KIFC3: variants seen among roughly 807,000 people sequenced by gnomAD.
KIFC3 encodes kinesin family member C3.
Under a neutral mutation model 101.8 loss-of-function variants are expected in KIFC3, and 60 were observed. The ratio of observed to expected loss-of-function variants is 0.59; its 90% CI spans 0.48 to 0.73. KIFC3 has a LOEUF of 0.73. Ranked by LOEUF, KIFC3 falls within the 30% of genes least tolerant of loss-of-function variation. The pLI, the probability that KIFC3 is intolerant of heterozygous loss-of-function variation, is 0.00. For synonymous variants in KIFC3, 476 were observed against 482.7 expected, an observed-to-expected ratio of 0.99 and a Z score of 0.18; for missense variants, 966 against 1,137.1, an observed-to-expected ratio of 0.85 and a Z score of 2.16.
chr16:57,829,889 A>T (rs1351549356), intron 1 of KIFC3, among the ~76,000 whole-genome samples: 1 of 152,182 alleles, frequency 6.6e-6, no homozygotes, highest in African/African-American at 2.4e-5. Flanking sequence ...CCAAGAAGCC[A>T]TTGGAGCAGA....
intron 3 of KIFC3, among the ~76,000 whole-genome samples, chr16:57,793,841 C>A (rs139251424): frequency 1.6e-3 from 239 of 152,202 alleles, no homozygotes; most frequent in African/African-American, 5.2e-3. Context: ...AAATAAAAAT[C>A]ATATAAATTT....
In KIFC3 at chr16:57,760,323, T is replaced by A. The variant is rs532276292; in HGVS notation, c.2326A>T (p.Arg776Trp). 6.2e-7 allele frequency: 1 copy of A among 1,613,894 alleles called. No homozygotes were observed. Among genetic ancestry groups the A allele is most frequent in the South Asian group, 1.1e-5 (1 of 91,084 alleles). Residue 776 changes from arginine (R) to tryptophan (W), a missense_variant, in exon 17 of 20, where the codon AGG becomes TGG. Arg to Trp is a moderately radical substitution (Grantham distance 101). Around this residue, in one of 2 missense-constraint regions of KIFC3, gnomAD observed 689 missense variants for 884.6 expected, o/e 0.78. Transcript: ENST00000445690. ...RSVELGPGLR[R>W]AELGSWSSQE... ...CTTGACCAGGACCCAAGCTCTGCCC[T>A]GCGTAGCCCAGGCCCCAGCTCCACA...
intron 1 of KIFC3, among the ~76,000 whole-genome samples, chr16:57,846,156 C>T (rs1324826053): frequency 6.6e-6 from 1 of 152,184 alleles, no homozygotes; most frequent in African/African-American, 2.4e-5. Flanking sequence ...CAGGAAGAGG[C>T]TGGACCTCCA....
intron 3 of KIFC3, among the ~76,000 whole-genome samples, chr16:57,773,335 A>G (rs1054746000): frequency 5.9e-5 from 9 of 152,218 alleles, no homozygotes; most frequent in Admixed American, 2.0e-4. Context: ...GGGGCTGTGC[A>G]GGGCTTGGCT....
intron 1 of KIFC3, among the ~76,000 whole-genome samples, chr16:57,838,569 C>A (rs757981676): frequency 1.4e-4 from 21 of 152,148 alleles, no homozygotes; most frequent in Non-Finnish European, 2.6e-4. Flanking sequence ...GAGCTGTCAG[C>A]AAATCATTTT....
At chr16:57,810,386 C>T (rs1323780260) in intron 1 of KIFC3, among the ~76,000 whole-genome samples, 2 of 152,188 alleles carry the variant, frequency 1.3e-5, no homozygotes, top group Non-Finnish European at 2.9e-5. Context: ...CTCTGGTCCT[C>T]CTCCTCTGGG....
chr16:57,765,927 G>C (rs1001920892), intron 10 of KIFC3: 8 of 358,630 alleles, frequency 2.2e-5, no homozygotes, highest in African/African-American at 4.2e-5. Flanking sequence ...ACCCCGTCAG[G>C]GTGAGACACC....
In KIFC3 at chr16:57,759,851, G is replaced by T; in HGVS notation, c.2368-15C>A. Reference sequence around the variant, plus strand: ...GCCGGCTCCCACTGTGAGCAGGGAAGGGCGGATGGGCGGGGGCCACGGCTG... The same window carrying T: ...GCCGGCTCCCACTGTGAGCAGGGAATGGCGGATGGGCGGGGGCCACGGCTG... On this transcript the variant is annotated splice_polypyrimidine_tract_variant and intron_variant, in intron 17 of 19. Transcript: ENST00000445690. 1 of 1,588,964 alleles carries T rather than the reference G, an allele frequency of 6.3e-7. No homozygotes were observed. Among genetic ancestry groups the T allele is most frequent in the Non-Finnish European group, 8.6e-7 (1 of 1,166,288 alleles).
chr16:57,806,628 G>A (rs1298359033), upstream of KIFC3, among the ~76,000 whole-genome samples: 3 of 152,180 alleles, frequency 2.0e-5, no homozygotes, highest in Admixed American at 6.5e-5. Context: ...ACAGGTGCGT[G>A]AAATGTACCC....
chr16:57,843,199 G>A (rs1270532505), intron 1 of KIFC3, among the ~76,000 whole-genome samples: 1 of 152,070 alleles, frequency 6.6e-6, no homozygotes, highest in Non-Finnish European at 1.5e-5. Flanking sequence ...TCTGTGCCAG[G>A]AACTGTGTAT....
intron 1 of KIFC3, among the ~76,000 whole-genome samples, chr16:57,848,606 TAGAC>T (rs1394304433): frequency 3.3e-5 from 5 of 152,222 alleles, no homozygotes; most frequent in Non-Finnish European, 5.9e-5. Flanking sequence ...TCCAGCCTGA[TAGAC>T]AGAATAAGAC....
chr16:57,758,809 C>T lies in KIFC3; in HGVS notation c.*125G>A, dbSNP rs1270778272. 6.6e-7 allele frequency: 1 copy of T among 1,521,534 alleles called. No individual in the cohort carries two copies. Among genetic ancestry groups the T allele is most frequent in the Non-Finnish European group, 9.1e-7 (1 of 1,100,720 alleles). The allele number at this position is 1,521,534 out of a possible 1,614,324, so 94.3% of individuals were successfully genotyped here. A position where few individuals can be genotyped will look rare whatever the true frequency, so the allele number is the denominator to read the frequency against. ...AGAAGAGCCTCCACTCTCGCCTCTACCTCCGGGGGTCCTGGCGCTGCAGCA... is the reference window on the plus strand; with the variant it reads ...AGAAGAGCCTCCACTCTCGCCTCTATCTCCGGGGGTCCTGGCGCTGCAGCA... On this transcript the variant is annotated 3_prime_UTR_variant, in exon 20 of 20. Coordinates refer to ENST00000445690, the MANE Select transcript of KIFC3 (RefSeq NM_001130100.2).
At chr16:57,793,815 C>T (rs577877879) in intron 3 of KIFC3, among the ~76,000 whole-genome samples, 3 of 152,132 alleles carry the variant, frequency 2.0e-5, no homozygotes, top group South Asian at 4.1e-4. Flanking sequence ...ACAGAGTGAA[C>T]GAGACTCCAT....
intron 1 of KIFC3, among the ~76,000 whole-genome samples, chr16:57,854,791 T>G (rs1382716170): frequency 1.3e-5 from 2 of 152,008 alleles, no homozygotes; most frequent in African/African-American, 4.8e-5. Context: ...CTCAACAAAT[T>G]TAAAAGAAAT....
intron 3 of KIFC3, among the ~76,000 whole-genome samples, chr16:57,791,617 C>G (rs782357608): frequency 2.0e-5 from 3 of 152,108 alleles, no homozygotes; most frequent in Non-Finnish European, 4.4e-5. Flanking sequence ...AGGATGTGAA[C>G]GTGGAAGCTA....
At chr16:57,842,186 C>T (rs2055828552) in intron 1 of KIFC3, among the ~76,000 whole-genome samples, 1 of 151,706 alleles carries the variant, frequency 6.6e-6, no homozygotes, top group South Asian at 2.1e-4. Context: ...GGCAACAGAG[C>T]GAGACTCCGT....
intron 2 of KIFC3, among the ~76,000 whole-genome samples, chr16:57,795,344 T>C (rs942010172): frequency 3.3e-5 from 5 of 152,186 alleles, no homozygotes; most frequent in Non-Finnish European, 7.3e-5. Flanking sequence ...GCTACGCTCC[T>C]TCCTTACCAA....
chr16:57,771,136 A>G (rs2967166), intron 6 of KIFC3, 62 bp downstream of exon 6: 1,277,936 of 1,589,292 alleles, frequency 0.8, 523,710 homozygotes, highest in Non-Finnish European at 0.85. Context: ...CTTATGGGCT[A>G]GCCCTGCCCC....
chr16:57,790,078 C>CTTTTTTTTT (rs782291808), intron 3 of KIFC3, among the ~76,000 whole-genome samples: 3 of 94,086 alleles, frequency 3.2e-5, no homozygotes, highest in African/African-American at 4.2e-5. Context: ...TTCTTTCTTT[C>CTTTTTTTTT]TTTTTTTTTT....
Sources: gnomAD v4.1 joint callset for allele counts (sites outside exome capture counted in the v4.1 genomes callset) on GRCh38, gnomAD v4.1.1 for gene constraint, gnomAD v4.1.1 regional missense constraint, MANE v1.5 for transcripts, NCBI Gene and HGNC (gene_info 2026-07-23, HGNC 2026-07-21) for gene names.